Variants in VEPH1 observed in about 807,000 individuals in gnomAD.
VEPH1 encodes the protein ventricular zone expressed PH domain containing 1, also known as ventricular zone-expressed PH domain-containing protein homolog 1.
A neutral mutation model predicts 85.2 loss-of-function variants in VEPH1; 80 were observed. The observed-to-expected ratio is 0.94, with a 90% confidence interval of 0.78 to 1.13. The LOEUF is 1.13. Ranked by LOEUF, VEPH1 falls within the 50% of genes most tolerant of loss-of-function variation. The pLI is 0.00. For missense variants in VEPH1, 955 were observed against 980.5 expected (o/e 0.97, Z 0.35); for synonymous variants, 297 against 348.0 (o/e 0.85, Z 1.63).
intron 12 of VEPH1, among the ~76,000 whole-genome samples, chr3:157,271,895 A>G (rs1714605705): frequency 6.6e-6 from 1 of 152,200 alleles, no homozygotes; most frequent in Non-Finnish European, 1.5e-5. Flanking sequence ...TGGAAACTGT[A>G]TTTCTCAACA....
rs1733634349 is a variant in VEPH1, at chr3:157,436,961, GCT to G, written c.530-8475_530-8474del. On this transcript the variant is annotated intron_variant, in intron 4 of 13. Transcript: ENST00000362010. Reference sequence around the variant, plus strand: ...GCATCTCCTTGCGATTCTGTTTTGTGCTCTCTGGTCTGCAGTGTTGGCCGAGA... The same window carrying G: ...GCATCTCCTTGCGATTCTGTTTTGTGCTCTGGTCTGCAGTGTTGGCCGAGA... The G allele has an allele frequency of 1.9e-6, 3 of 1,613,796 alleles. No individual in the cohort carries two copies. In the African/African-American group the frequency reaches 4.0e-5, roughly 22 times the overall value.
chr3:157,465,781 G>A (rs1736309587), intron 3 of VEPH1, among the ~76,000 whole-genome samples: 1 of 152,216 alleles, frequency 6.6e-6, no homozygotes, highest in Admixed American at 6.5e-5. Flanking sequence ...AGAGGGAAAA[G>A]TAGACACTTT....
chr3:157,274,270 G>A (rs1715097084), intron 12 of VEPH1, among the ~76,000 whole-genome samples: 1 of 152,180 alleles, frequency 6.6e-6, no homozygotes, highest in Non-Finnish European at 1.5e-5. Flanking sequence ...CATCATGATT[G>A]ACATCATGGA....
chr3:157,402,859 T>G (rs1278830102), intron 6 of VEPH1, among the ~76,000 whole-genome samples: 1 of 152,150 alleles, frequency 6.6e-6, no homozygotes, highest in Non-Finnish European at 1.5e-5. Flanking sequence ...ACAGCAACCA[T>G]CTGGTTAATA....
At chr3:157,304,380 C>T (rs945826358) in intron 11 of VEPH1, among the ~76,000 whole-genome samples, 1 of 152,052 alleles carries the variant, frequency 6.6e-6, no homozygotes, top group African/African-American at 2.4e-5. Flanking sequence ...TTTGAGATCC[C>T]ATTTCTGCAG....
In VEPH1 at chr3:157,459,028, G is replaced by A. The variant is rs79741409; in HGVS notation, c.529+1153C>T. Among the ~76,000 whole-genome samples, 1,032 of 152,248 alleles carry A rather than the reference G, an allele frequency of 6.8e-3. 11 individuals are homozygous for A. Among genetic ancestry groups the A allele is most frequent in the African/African-American group, 0.024 (984 of 41,528 alleles). ...GGCAACTCAGTTTGGCACTGCTCTGGGGCCTCTCTACCAAGGTATAACACT... is the reference window on the plus strand; with the variant it reads ...GGCAACTCAGTTTGGCACTGCTCTGAGGCCTCTCTACCAAGGTATAACACT... On this transcript the variant is annotated intron_variant, in intron 4 of 13. Transcript: ENST00000362010.
chr3:157,439,038 A>T (rs997572554), intron 4 of VEPH1, among the ~76,000 whole-genome samples: 10 of 152,238 alleles, frequency 6.6e-5, no homozygotes, highest in African/African-American at 2.4e-4. Flanking sequence ...CAGAAACCAT[A>T]TCATATTTCC....
chr3:157,322,689 A>C (rs1219428731), intron 9 of VEPH1, among the ~76,000 whole-genome samples: 1 of 152,210 alleles, frequency 6.6e-6, no homozygotes, highest in African/African-American at 2.4e-5. Context: ...ACGACAAGCT[A>C]GATGACAACA....
chr3:157,419,840 A>G (rs550372183), intron 5 of VEPH1, among the ~76,000 whole-genome samples: 1 of 152,236 alleles, frequency 6.6e-6, no homozygotes, highest in Non-Finnish European at 1.5e-5. Context: ...CCAAAGGAAT[A>G]TAAATCATTC....
rs116575625 is a variant in VEPH1 at position 157,421,989 on chromosome 3, C to T, written c.696+6333G>A. On this transcript the variant is annotated intron_variant, in intron 5 of 13. Transcript: ENST00000362010. ...CCCTCTCCTCATTTTGTTTACTCTC[C>T]TTCTTTTGTCTAGCCACCCTCCAAC... is the stretch of plus-strand genomic sequence containing the variant. Among the ~76,000 whole-genome samples, 1,475 of 152,274 alleles carry T rather than the reference C, an allele frequency of 9.7e-3. 22 individuals carry two copies. Among genetic ancestry groups the T allele is most frequent in the African/African-American group, 0.034 (1,392 of 41,540 alleles).
intron 6 of VEPH1, among the ~76,000 whole-genome samples, chr3:157,398,195 T>A (rs1191843936): frequency 6.6e-6 from 1 of 152,200 alleles, no homozygotes; most frequent in Non-Finnish European, 1.5e-5. Flanking sequence ...GATGATGGAA[T>A]ACTGCAGTGC....
At chr3:157,447,188 C>T (rs571517124) in intron 4 of VEPH1, among the ~76,000 whole-genome samples, 2 of 152,284 alleles carry the variant, frequency 1.3e-5, no homozygotes, top group East Asian at 3.9e-4. Flanking sequence ...ACACAAATGT[C>T]CAAATCTATG....
chr3:157,356,324 T>G (rs1725426034), intron 9 of VEPH1, among the ~76,000 whole-genome samples: 1 of 151,110 alleles, frequency 6.6e-6, no homozygotes, highest in Admixed American at 6.7e-5. Context: ...ATTAGCTGTC[T>G]TTTACTCAGC....
intron 11 of VEPH1, among the ~76,000 whole-genome samples, chr3:157,302,891 G>A (rs1718979401): frequency 6.7e-6 from 1 of 149,766 alleles, no homozygotes; most frequent in Non-Finnish European, 1.5e-5. Flanking sequence ...TTGGGTAGGT[G>A]TGACCATCCA....
intron 9 of VEPH1, among the ~76,000 whole-genome samples, chr3:157,345,024 A>T (rs1483816851): frequency 6.6e-6 from 1 of 152,238 alleles, no homozygotes; most frequent in Non-Finnish European, 1.5e-5. Context: ...ACAAAAATTA[A>T]TTCAAGATGG....
intron 11 of VEPH1, among the ~76,000 whole-genome samples, chr3:157,297,871 G>A (rs1718330671): frequency 6.6e-6 from 1 of 152,154 alleles, no homozygotes; most frequent in South Asian, 2.1e-4. Flanking sequence ...AACAAGGTGG[G>A]CCAATGGAGC....
At chr3:157,357,456 C>A (rs1358528611) in intron 9 of VEPH1, among the ~76,000 whole-genome samples, 1 of 151,788 alleles carries the variant, frequency 6.6e-6, no homozygotes, top group Non-Finnish European at 1.5e-5. Flanking sequence ...GACATGCAGA[C>A]AAACAACATA....
chr3:157,408,377 CCT>C (rs1225769826), intron 6 of VEPH1, among the ~76,000 whole-genome samples: 1 of 152,074 alleles, frequency 6.6e-6, no homozygotes, highest in African/African-American at 2.4e-5. Context: ...ATTTCCTCCT[CCT>C]CTCTCTTAAG....
chr3:157,406,768 T>A (rs1049771172), intron 6 of VEPH1, among the ~76,000 whole-genome samples: 1 of 141,736 alleles, frequency 7.1e-6, no homozygotes, highest in East Asian at 2.3e-4. Flanking sequence ...GTAAAAAAAA[T>A]TTTAAAGCAT....
Sources: allele counts gnomAD v4.1 joint callset (sites outside exome capture counted in the v4.1 genomes callset), GRCh38; gene constraint gnomAD v4.1.1; transcripts MANE v1.5; gene names NCBI Gene and HGNC (gene_info 2026-07-23, HGNC 2026-07-21).